Variants in EXOC7 observed in about 807,000 individuals in gnomAD.
EXOC7 encodes the protein exocyst complex component Exo70.
EXOC7 carries 51 observed loss-of-function variants against 87.6 expected under a neutral mutation model. The ratio of observed to expected loss-of-function variants is 0.58; its 90% CI spans 0.46 to 0.73. The LOEUF (loss-of-function observed/expected upper bound fraction) is 0.73. EXOC7 is among the 30% of genes least tolerant of loss of function. The pLI, the probability that EXOC7 is intolerant of heterozygous loss-of-function variation, is 0.00. For missense variants in EXOC7, 744 were observed against 888.4 expected (o/e 0.84, Z 2.07); for synonymous variants, 327 against 357.1 (o/e 0.92, Z 0.95).
chr17:76,087,614 G>A, intron 12 of EXOC7, 40 bp downstream of exon 12: 2 of 1,539,626 alleles, frequency 1.3e-6, no homozygotes, highest in Non-Finnish European at 1.8e-6. Flanking sequence ...CAGGCAAGGA[G>A]GCGAGTGGGG....
intron 5 of EXOC7, among the ~76,000 whole-genome samples, chr17:76,095,691 A>G (rs978039388): frequency 3.3e-5 from 5 of 152,206 alleles, no homozygotes; most frequent in African/African-American, 9.6e-5. Flanking sequence ...CGATGAGTCC[A>G]TCGATTGGCC....
chr17:76,091,559 C>T (rs1469403267), intron 6 of EXOC7: 5 of 266,954 alleles, frequency 1.9e-5, no homozygotes, highest in South Asian at 9.5e-5. Context: ...TCAGAACAGG[C>T]GAGGGCTCAG....
intron 18 of EXOC7, 98 bp downstream of exon 18, chr17:76,083,908 T>TCCA: frequency 1.3e-6 from 2 of 1,488,632 alleles, no homozygotes; most frequent in East Asian, 2.5e-5. Context: ...GCTGCCTAAA[T>TCCA]CCACCACCCT....
intron 4 of EXOC7, among the ~76,000 whole-genome samples, chr17:76,098,705 CA>C (rs56057342): frequency 0.49 from 72,142 of 146,924 alleles, 17,912 homozygotes; most frequent in South Asian, 0.67. Context: ...ACTAAAAATA[CA>C]AAAAAAAAAA....
At position 76,084,526 on chromosome 17, in the gene EXOC7, C is replaced by T. The variant is rs148929452; in HGVS notation, c.1767G>A (p.Pro589=). Residue 589 remains proline (P), a synonymous_variant, in exon 16 of 19, where the codon CCG becomes CCA. Transcript: ENST00000589210. ...IAEKNLPVFQ[P]GVKLRDKERQ... The stretch of plus-strand genomic sequence containing the variant: ...CAGGTCTTGAGCCCACCTTGACTCC[C>T]GGCTGGAACACAGGTAGATTCTTCT... The T allele has an allele frequency of 2.4e-5, 39 of 1,613,780 alleles. No individual in the cohort carries two copies. Among genetic ancestry groups the T allele is most frequent in the Admixed American group, 2.3e-4 (14 of 59,970 alleles).
rs77288883 is a variant in EXOC7 at position 76,103,648 on chromosome 17, C to T, written c.45G>A (p.Glu15=). Residue 15 remains glutamate, a synonymous_variant, in exon 1 of 19, where the codon GAG becomes GAA. Transcript: ENST00000589210. ...CCACGCCCACCTGCTTCAGCTTGTC[C>T]TCAATCTCCCGCCGTCGAGCGGATG... ...QEASARRREI[E]DKLKQEEETL... The T allele has an allele frequency of 5.4e-3, 8,633 of 1,613,582 alleles. 373 individuals carry two copies. The African/African-American group carries it at 0.097, about 18-fold the overall frequency.
In EXOC7 at chr17:76,087,763, C is replaced by T. The variant is rs199572128; in HGVS notation, c.1363-43G>A. 2,191 of 1,543,650 alleles carry T rather than the reference C, an allele frequency of 1.4e-3. 29 individuals carry two copies. The South Asian group carries it at 0.016, about 11-fold the overall frequency. ...GGTGCAGAAGGGCAAGTGGCAGGCCCGGCCGACGGCCTCCCACAGCGACCC... is the reference window on the plus strand; with the variant it reads ...GGTGCAGAAGGGCAAGTGGCAGGCCTGGCCGACGGCCTCCCACAGCGACCC... On this transcript the variant is annotated intron_variant, in intron 11 of 18. Coordinates refer to ENST00000589210, the MANE Select transcript of EXOC7 (RefSeq NM_001013839.4).
chr17:76,091,247 G>T lies in EXOC7; in HGVS notation c.809-12C>A. ...CTTACGGATCGTCCCTGTCACCAGA[G>T]CCACACAGAGAGGAGATAAGAAGAC... On this transcript the variant is annotated splice_polypyrimidine_tract_variant and intron_variant, in intron 6 of 18. Coordinates refer to ENST00000589210, the MANE Select transcript of EXOC7 (RefSeq NM_001013839.4). 1 of 1,611,804 alleles carries T rather than the reference G, an allele frequency of 6.2e-7. No individual in the cohort carries two copies. The highest frequency in any genetic ancestry group is 8.5e-7 in the Non-Finnish European group (1 of 1,177,930).
chr17:76,084,963 C>T (rs917556958), intron 15 of EXOC7: 15 of 443,946 alleles, frequency 3.4e-5, no homozygotes, highest in East Asian at 3.0e-4. Context: ...AGAGAAGCAG[C>T]GGGATCCTCA....
At chr17:76,094,968 G>GTT (rs34069210) in intron 5 of EXOC7, among the ~76,000 whole-genome samples, 70,834 of 147,458 alleles carry the variant, frequency 0.48, 17,085 homozygotes, top group South Asian at 0.67. Flanking sequence ...GTTGTAAGTT[G>GTT]TTTTTTTTTT....
Position 76,084,123 on chromosome 17 carries a change from A to C in EXOC7, c.1835T>G (p.Leu612Arg). Residue 612 changes from leucine to arginine, a missense_variant, in exon 18 of 19, where the codon CTC becomes CGC. Coordinates refer to ENST00000589210, the MANE Select transcript of EXOC7 (RefSeq NM_001013839.4). The stretch of plus-strand genomic sequence containing the variant: ...CTTCTGGATTTTGCACAGTTCTTCG[A>C]GGCCATCATTGAAGCCCTGGCCACC... Reference protein sequence around the residue: ...KERFKGFNDGLEELCKIQKAW... With the variant: ...KERFKGFNDGREELCKIQKAW... 1 of 1,601,988 alleles carries C rather than the reference A, an allele frequency of 6.2e-7. No homozygotes were observed. The highest frequency in any genetic ancestry group is 8.5e-7 in the Non-Finnish European group (1 of 1,175,266).
chr17:76,083,561 C>A lies in EXOC7; in HGVS notation c.*87G>T, dbSNP rs1212546835. Reference sequence around the variant, plus strand: ...GGTCTCTGTCCCAGAGGACTTCAAGCTCACCCAGCCCAGAGGCAAGCTAAC... The same window carrying A: ...GGTCTCTGTCCCAGAGGACTTCAAGATCACCCAGCCCAGAGGCAAGCTAAC... On this transcript the variant is annotated 3_prime_UTR_variant, in exon 19 of 19. Transcript: ENST00000589210. The A allele has an allele frequency of 1.3e-5, 18 of 1,375,948 alleles. No individual in the cohort carries two copies. The highest frequency in any genetic ancestry group is 1.9e-5 in the Non-Finnish European group (18 of 968,040). 85.2% of individuals were successfully genotyped at this position (1,375,948 alleles called of 1,614,324 possible). A position where few individuals can be genotyped will look rare whatever the true frequency, so the allele number is the denominator to read the frequency against.
chr17:76,086,127 G>C lies in EXOC7; in HGVS notation c.1448C>G (p.Thr483Ser). ...CTTGCTGAACTCAGAGCTGTAGCTGGTGGCCGAAGAGCTGGTCTCTGTGAG... is the reference window on the plus strand; with the variant it reads ...CTTGCTGAACTCAGAGCTGTAGCTGCTGGCCGAAGAGCTGGTCTCTGTGAG... ...LASQETSSSA[T>S]SYSSEFSKRL... Residue 483 changes from threonine (T) to serine (S), a missense_variant, in exon 13 of 19, where the codon ACC becomes AGC. Physicochemically the swap from Thr to Ser is moderately conservative, Grantham distance 58. Transcript: ENST00000589210. The C allele has an allele frequency of 6.2e-7, 1 of 1,613,858 alleles. No individual in the cohort carries two copies. Among genetic ancestry groups the C allele is most frequent in the South Asian group, 1.1e-5 (1 of 91,078 alleles).
intron 14 of EXOC7, 55 bp downstream of exon 14, chr17:76,085,622 C>T (rs2067178230): frequency 1.9e-6 from 3 of 1,612,924 alleles, no homozygotes; most frequent in Non-Finnish European, 1.7e-6. Flanking sequence ...GCTGGCACAG[C>T]TGCACAGCCG....
At position 76,081,298 on chromosome 17, in the gene EXOC7, GC is replaced by G. The variant is rs758213401; in HGVS notation, c.*2349del. ...CTCAGCGATGGAGTTAGAGTTCCAG[GC>G]CCACGTGGTGAACGAGATTGTGAGT... On this transcript the variant is annotated 3_prime_UTR_variant, in exon 19 of 19. Transcript: ENST00000589210. The G allele has an allele frequency of 1.2e-6, 2 of 1,614,010 alleles. No individual in the cohort carries two copies. The highest frequency in any genetic ancestry group is 2.2e-5 in the East Asian group (1 of 44,874).
At chr17:76,086,204 T>C (rs1472769042) in intron 12 of EXOC7, 59 bp from the exon 13 acceptor site, 2 of 1,527,966 alleles carry the variant, frequency 1.3e-6, no homozygotes, top group Non-Finnish European at 1.8e-6. Context: ...CAACGGCCCT[T>C]CCCCCAGGCC....
intron 6 of EXOC7, chr17:76,092,185 T>A (rs2067516983): frequency 6.6e-6 from 1 of 152,188 alleles, no homozygotes; most frequent in African/African-American, 2.4e-5. Flanking sequence ...GTGAGGCTGC[T>A]GTGTCCTGGC....
At chr17:76,099,530 A>G (rs1598345617) in intron 4 of EXOC7, among the ~76,000 whole-genome samples, 1 of 152,062 alleles carries the variant, frequency 6.6e-6, no homozygotes, top group Non-Finnish European at 1.5e-5. Flanking sequence ...AAAACAAAAA[A>G]CCAAAAAAAG....
chr17:76,084,682 T>C (rs927520275), intron 15 of EXOC7, 102 bp from the exon 16 acceptor site: 14 of 992,066 alleles, frequency 1.4e-5, no homozygotes, highest in Non-Finnish European at 2.0e-5. Flanking sequence ...TGGGTGGTGG[T>C]AGGAAGGGAT....
Sources: allele counts gnomAD v4.1 joint callset (sites outside exome capture counted in the v4.1 genomes callset), GRCh38; gene constraint gnomAD v4.1.1; transcripts MANE v1.5; gene names NCBI Gene and HGNC (gene_info 2026-07-23, HGNC 2026-07-21).